HYAL4: variants seen among roughly 807,000 people sequenced by gnomAD.
The protein encoded by HYAL4 is hyaluronidase 4.
HYAL4 carries 37 observed loss-of-function variants against 35.2 expected under a neutral mutation model. That is an observed-to-expected ratio of 1.05 (90% CI 0.81 to 1.38). The LOEUF is 1.38. HYAL4 is among the 40% of genes most tolerant of loss of function. HYAL4 has a pLI of 0.00. For synonymous variants in HYAL4, 198 were observed against 203.2 expected (o/e 0.97, Z 0.22); for missense variants, 572 against 572.4 (o/e 1.00, Z 0.01).
At chr7:123,876,187 T>C (rs1807019282) in intron 4 of HYAL4, 2 of 376,158 alleles carry the variant, frequency 5.3e-6, no homozygotes, top group South Asian at 4.0e-5. Context: ...GTATTAGAAG[T>C]ACAGGACCCA....
intron 2 of HYAL4, among the ~76,000 whole-genome samples, 152 bp from the exon 3 acceptor site, chr7:123,868,071 A>G (rs919702578): frequency 3.3e-5 from 5 of 152,164 alleles, no homozygotes; most frequent in Non-Finnish European, 7.3e-5. Flanking sequence ...AGGTCTCTAC[A>G]TATGCTTCTA....
the HYAL4 span, among the ~76,000 whole-genome samples, chr7:123,783,396 A>C: frequency 3.3e-5 from 5 of 152,212 alleles, no homozygotes; most frequent in Non-Finnish European, 7.3e-5. Flanking sequence ...AGTAGAATTA[A>C]TCTAGTGGTG....
the HYAL4 span, among the ~76,000 whole-genome samples, chr7:123,811,265 A>G: frequency 6.6e-6 from 1 of 152,174 alleles, no homozygotes; most frequent in Non-Finnish European, 1.5e-5. Context: ...AGAAATTGCC[A>G]AACTGTCTTG....
intron 1 of HYAL4, among the ~76,000 whole-genome samples, chr7:123,834,557 G>A (rs960676443): frequency 1.3e-5 from 2 of 151,856 alleles, no homozygotes; most frequent in African/African-American, 2.4e-5. Context: ...CCTCTTTACC[G>A]ATTTGGATGT....
At chr7:123,860,433 C>A (rs1449075285) in intron 2 of HYAL4, among the ~76,000 whole-genome samples, 6 of 152,070 alleles carry the variant, frequency 3.9e-5, no homozygotes, top group Non-Finnish European at 8.8e-5. Context: ...ATATTCCTTT[C>A]TTTGAAAAAT....
the HYAL4 span, among the ~76,000 whole-genome samples, chr7:123,796,069 A>G: frequency 6.6e-5 from 10 of 152,272 alleles, no homozygotes; most frequent in Non-Finnish European, 1.2e-4. Flanking sequence ...TGCAAACTAT[A>G]TTGCAGGGAA....
the HYAL4 span, among the ~76,000 whole-genome samples, chr7:123,779,212 C>T: frequency 6.6e-6 from 1 of 151,908 alleles, no homozygotes; most frequent in African/African-American, 2.4e-5. Context: ...ATAGATATAG[C>T]CCACATAAAC....
In HYAL4 at chr7:123,868,971, A is replaced by G; in HGVS notation, c.698A>G (p.Tyr233Cys). Residue 233 changes from tyrosine to cysteine, a missense_variant, in exon 3 of 5, where the codon TAC becomes TGC. Transcript: ENST00000223026. Reference sequence around the variant, plus strand: ...AATTATAACGTTTATGCCCCAAACTACTCTGGGTCATGCCCAGAAGACGAA... The same window carrying G: ...AATTATAACGTTTATGCCCCAAACTGCTCTGGGTCATGCCCAGAAGACGAA... The part of the protein sequence containing the change: ...CHNYNVYAPN[Y>C]SGSCPEDEVL... 6.2e-7 allele frequency: 1 copy of G among 1,613,810 alleles called. No homozygotes were observed. The highest frequency in any genetic ancestry group is 8.5e-7 in the Non-Finnish European group (1 of 1,179,898).
In HYAL4 at chr7:123,868,445, C is replaced by CCA. The variant is rs1806756017; in HGVS notation, c.172_173insCA (p.Gln58ProfsTer4). 1 of 1,610,048 alleles carries CCA rather than the reference C, an allele frequency of 6.2e-7. No homozygotes were observed. The highest frequency in any genetic ancestry group is 1.7e-5 in the Admixed American group (1 of 58,948). On this transcript the variant is annotated frameshift_variant, in exon 3 of 5. Transcript: ENST00000223026. LOFTEE classifies it high-confidence loss of function. Reference sequence around the variant, plus strand: ...AGCTGCTTGGAATGCTCCAACAGATCAGTGTTTGATAAAATATAATTTAAG... The same window carrying CCA: ...AGCTGCTTGGAATGCTCCAACAGATCCAAGTGTTTGATAAAATATAATTTAAG...
chr7:123,830,074 A>G (rs966110709), intron 1 of HYAL4, among the ~76,000 whole-genome samples: 2 of 152,154 alleles, frequency 1.3e-5, no homozygotes, highest in Non-Finnish European at 2.9e-5. Context: ...CGCTGTTTGC[A>G]CTCCAGTAAT....
At chr7:123,783,905 A>T in the HYAL4 span, among the ~76,000 whole-genome samples, 4 of 152,222 alleles carry the variant, frequency 2.6e-5, no homozygotes, top group East Asian at 5.8e-4. Context: ...AAGTATGCTA[A>T]GTTACCACCA....
At chr7:123,767,365 A>G in the HYAL4 span, among the ~76,000 whole-genome samples, 5 of 152,152 alleles carry the variant, frequency 3.3e-5, no homozygotes, top group East Asian at 9.6e-4. Context: ...TATCTGTTCT[A>G]ATAATGAAAA....
At chr7:123,782,372 C>G in the HYAL4 span, among the ~76,000 whole-genome samples, 2 of 152,012 alleles carry the variant, frequency 1.3e-5, no homozygotes, top group Non-Finnish European at 2.9e-5. Flanking sequence ...AATCCTTGAG[C>G]TAGAAAAATA....
the HYAL4 span, among the ~76,000 whole-genome samples, chr7:123,780,290 A>G: frequency 6.6e-6 from 1 of 152,116 alleles, no homozygotes; most frequent in Admixed American, 6.5e-5. Flanking sequence ...GCTCTTACCC[A>G]CTGCACTACA....
intron 2 of HYAL4, among the ~76,000 whole-genome samples, chr7:123,850,865 T>G (rs1806290055): frequency 6.6e-6 from 1 of 152,222 alleles, no homozygotes; most frequent in African/African-American, 2.4e-5. Context: ...AATCTATGAT[T>G]GGAACATTTC....
At chr7:123,801,111 T>G in the HYAL4 span, among the ~76,000 whole-genome samples, 2 of 152,160 alleles carry the variant, frequency 1.3e-5, no homozygotes, top group Admixed American at 1.3e-4. Context: ...GCGCAGGAGT[T>G]CGACACCCAC....
chr7:123,810,998 A>C, the HYAL4 span, among the ~76,000 whole-genome samples: 1 of 152,226 alleles, frequency 6.6e-6, no homozygotes, highest in Non-Finnish European at 1.5e-5. Context: ...AGTTTACTCC[A>C]CATCATTTCA....
the HYAL4 span, among the ~76,000 whole-genome samples, chr7:123,805,856 G>A: frequency 2.6e-5 from 4 of 152,130 alleles, no homozygotes; most frequent in South Asian, 2.1e-4. Context: ...TAGGCCGGGC[G>A]TAGTGGCAGG....
the HYAL4 span, among the ~76,000 whole-genome samples, chr7:123,775,451 A>G: frequency 6.7e-6 from 1 of 150,212 alleles, no homozygotes; most frequent in Non-Finnish European, 1.5e-5. Context: ...AAAAAAATGA[A>G]AGAAAAAAAG....
Sources: gnomAD v4.1 joint callset for allele counts (sites outside exome capture counted in the v4.1 genomes callset) on GRCh38, gnomAD v4.1.1 for gene constraint, MANE v1.5 for transcripts, NCBI Gene and HGNC (gene_info 2026-07-23, HGNC 2026-07-21) for gene names.